SOX6: variants seen among roughly 807,000 people sequenced by gnomAD.
SOX6 encodes SRY-box transcription factor 6, also known as transcription factor SOX-6.
A neutral mutation model predicts 97.8 loss-of-function variants in SOX6; 11 were observed. That is an observed-to-expected ratio of 0.11 (90% CI 0.07 to 0.19). The LOEUF is 0.19. Among genes scored for constraint, SOX6 ranks in the 10% least tolerant of loss-of-function variants. The probability of loss-of-function intolerance (pLI) is 1.00; values close to 1 mark genes in which losing one functional copy is unlikely to be tolerated. For synonymous variants in SOX6, 360 were observed against 371.4 expected, an observed-to-expected ratio of 0.97 and a Z score of 0.35; for missense variants, 810 against 1,039.5, an observed-to-expected ratio of 0.78 and a Z score of 3.04.
At chr11:16,448,098 A>AACCT (rs1389805579) in intron 1 of SOX6, among the ~76,000 whole-genome samples, 1 of 152,212 alleles carries the variant, frequency 6.6e-6, no homozygotes, top group Non-Finnish European at 1.5e-5. Context: ...TTGTCACTGC[A>AACCT]ACCTATACAC....
At chr11:16,019,352 C>A (rs76926988) in intron 12 of SOX6, among the ~76,000 whole-genome samples, 2 of 152,078 alleles carry the variant, frequency 1.3e-5, no homozygotes, top group African/African-American at 4.8e-5. Flanking sequence ...ACTTTACTAA[C>A]CTTTATTCAA....
At chr11:16,476,162 C>T (rs938547473) in intron 1 of SOX6, among the ~76,000 whole-genome samples, 8 of 152,060 alleles carry the variant, frequency 5.3e-5, no homozygotes, top group African/African-American at 1.9e-4. Flanking sequence ...TCTCTATGCT[C>T]CTCCTAAGAA....
intron 4 of SOX6, among the ~76,000 whole-genome samples, chr11:16,225,659 AT>A (rs1852666482): frequency 6.6e-6 from 1 of 152,174 alleles, no homozygotes; most frequent in African/African-American, 2.4e-5. Context: ...TGTTAGATCC[AT>A]CCTGACCCTT....
At chr11:16,547,427 TAC>T (rs139862658) in intron 4 of SOX6, among the ~76,000 whole-genome samples, 2 of 151,056 alleles carry the variant, frequency 1.3e-5, no homozygotes, top group Non-Finnish European at 3.0e-5. Context: ...AAAGTATATG[TAC>T]ACACACACAC....
intron 4 of SOX6, among the ~76,000 whole-genome samples, chr11:16,606,351 T>C (rs1848333988): frequency 6.6e-6 from 1 of 152,068 alleles, no homozygotes; most frequent in African/African-American, 2.4e-5. Context: ...TAACAAGAGA[T>C]ACAGCGCTCA....
In SOX6 at chr11:16,396,756, T is replaced by C. The variant is rs933117858; in HGVS notation, c.-4-55504A>G. On this transcript the variant is annotated intron_variant, in intron 1 of 15. Coordinates refer to the SOX6 transcript ENST00000396356. ...TAATTTATGCAAAATCTCAATCTTA[T>C]AGAATTGAATATTGACATCAAAATT... 7.2e-4 allele frequency among the ~76,000 whole-genome samples: 109 copies of C among 151,596 alleles called. 2 individuals are homozygous for C. The highest frequency in any genetic ancestry group is 7.1e-3 in the Admixed American group (107 of 15,160).
At chr11:16,051,880 A>G (rs2133916245) in intron 10 of SOX6, among the ~76,000 whole-genome samples, 1 of 149,452 alleles carries the variant, frequency 6.7e-6, no homozygotes, top group African/African-American at 2.6e-5. Context: ...AGTACTGACC[A>G]GTCTTTTTTC....
At chr11:16,549,725 T>C (rs1350513420) in intron 4 of SOX6, among the ~76,000 whole-genome samples, 2 of 152,046 alleles carry the variant, frequency 1.3e-5, no homozygotes, top group Admixed American at 1.3e-4. Flanking sequence ...AAAAAACAAA[T>C]TGTCACACAT....
At chr11:16,659,205 A>C (rs1847747740) in intron 3 of SOX6, among the ~76,000 whole-genome samples, 1 of 152,214 alleles carries the variant, frequency 6.6e-6, no homozygotes, top group Admixed American at 6.5e-5. Flanking sequence ...ACTATCAGTT[A>C]ATTTTTGTGG....
chr11:16,384,382 A>C (rs1857916043), intron 1 of SOX6, among the ~76,000 whole-genome samples: 1 of 151,936 alleles, frequency 6.6e-6, no homozygotes, highest in Admixed American at 6.6e-5. Flanking sequence ...TAGAAGAATA[A>C]AGGTATTAAA....
chr11:16,226,397 C>A (rs1852691725), intron 4 of SOX6, among the ~76,000 whole-genome samples: 1 of 151,612 alleles, frequency 6.6e-6, no homozygotes, highest in Non-Finnish European at 1.5e-5. Flanking sequence ...ACAGTTTGTG[C>A]TAACTCAAAC....
intron 6 of SOX6, among the ~76,000 whole-genome samples, chr11:16,143,435 T>C (rs1282717988): frequency 6.6e-6 from 1 of 152,166 alleles, no homozygotes; most frequent in South Asian, 2.1e-4. Context: ...AGGAAGAAAC[T>C]GCATCAACTA....
At chr11:16,130,777 A>G (rs1021067053) in intron 6 of SOX6, among the ~76,000 whole-genome samples, 1 of 152,032 alleles carries the variant, frequency 6.6e-6, no homozygotes, top group Non-Finnish European at 1.5e-5. Context: ...GGATGGACAT[A>G]TAAATCAGTG....
chr11:16,104,099 A>G (rs1243637946), intron 7 of SOX6, among the ~76,000 whole-genome samples: 1 of 151,992 alleles, frequency 6.6e-6, no homozygotes, highest in Non-Finnish European at 1.5e-5. Context: ...AAGATTATAG[A>G]CCTTTAAAAA....
At chr11:15,989,825 A>G (rs1023147292) in intron 13 of SOX6, among the ~76,000 whole-genome samples, 1 of 152,212 alleles carries the variant, frequency 6.6e-6, no homozygotes, top group African/African-American at 2.4e-5. Flanking sequence ...TAAATAAAAC[A>G]GCTCCTGCTT....
At chr11:15,997,166 A>G (rs1854249606) in intron 13 of SOX6, among the ~76,000 whole-genome samples, 1 of 152,160 alleles carries the variant, frequency 6.6e-6, no homozygotes, top group Admixed American at 6.5e-5. Flanking sequence ...GACACAAACT[A>G]CCAAAATTCA....
intron 1 of SOX6, among the ~76,000 whole-genome samples, chr11:16,431,567 C>A (rs1389942072): frequency 6.6e-6 from 1 of 151,700 alleles, no homozygotes. Context: ...AAAACAAAAA[C>A]AAATTAAAAT....
intron 3 of SOX6, among the ~76,000 whole-genome samples, chr11:16,667,531 T>C (rs1003170908): frequency 6.7e-6 from 1 of 148,348 alleles, no homozygotes; most frequent in Non-Finnish European, 1.5e-5. Flanking sequence ...CATGAATTAT[T>C]TAAAGTGCTG....
intron 3 of SOX6, among the ~76,000 whole-genome samples, chr11:16,254,557 A>T (rs1853624279): frequency 6.6e-6 from 1 of 152,080 alleles, no homozygotes; most frequent in South Asian, 2.1e-4. Context: ...GTTATTTGAA[A>T]GCGGACTTGG....
Sources: allele counts gnomAD v4.1 joint callset (sites outside exome capture counted in the v4.1 genomes callset), GRCh38; gene constraint gnomAD v4.1.1; transcripts MANE v1.5; gene names NCBI Gene and HGNC (gene_info 2026-07-23, HGNC 2026-07-21).